The following WDR47 variants were observed in gnomAD, a reference collection of about 807,000 sequenced individuals.
WDR47 encodes the protein WD repeat-containing protein 47.
In WDR47, 32 loss-of-function variants were observed where a neutral mutation model predicts 97.2. That is an observed-to-expected ratio of 0.33 (90% CI 0.25 to 0.44). WDR47 has a LOEUF of 0.44. WDR47 is among the 20% of genes least tolerant of loss of function. The pLI, the probability that WDR47 is intolerant of heterozygous loss-of-function variation, is 1.00. For synonymous variants in WDR47, 375 were observed against 373.5 expected (o/e 1.00, Z -0.05); for missense variants, 782 against 1,102.3 (o/e 0.71, Z 4.11).
At position 109,025,244 on chromosome 1, in the gene WDR47, C is replaced by T. The variant is rs1441307723; in HGVS notation, c.-9-1723G>A. Among the ~76,000 whole-genome samples the T allele has an allele frequency of 3.3e-5, 5 of 151,122 alleles. No individual in the cohort carries two copies. In the South Asian group the frequency reaches 6.3e-4, roughly 19 times the overall value. Reference sequence around the variant, plus strand: ...CATGAGCCCAGGAGTGCGAGACAAGCCTGGGCAACATGGCGAAACATGGTC... The same window carrying T: ...CATGAGCCCAGGAGTGCGAGACAAGTCTGGGCAACATGGCGAAACATGGTC... On this transcript the variant is annotated intron_variant, in intron 1 of 14. Coordinates refer to ENST00000369962, the MANE Select transcript of WDR47 (RefSeq NM_001142551.2).
chr1:108,980,767 G>C (rs1400550245), intron 13 of WDR47, among the ~76,000 whole-genome samples: 2 of 151,480 alleles, frequency 1.3e-5, no homozygotes, highest in Non-Finnish European at 2.9e-5. Context: ...AGGCAGAAAA[G>C]GTACTTCAGA....
chr1:108,994,173 G>A (rs1373428330), intron 8 of WDR47, among the ~76,000 whole-genome samples: 15 of 152,196 alleles, frequency 9.9e-5, no homozygotes, highest in African/African-American at 3.1e-4. Context: ...CGAGGTGAGC[G>A]AATCATGAGG....
intron 1 of WDR47, among the ~76,000 whole-genome samples, chr1:109,040,182 A>T (rs550221104): frequency 4.1e-4 from 62 of 152,348 alleles, no homozygotes; most frequent in African/African-American, 1.4e-3. Flanking sequence ...CAGCTCTTAC[A>T]AGAATGCAAT....
chr1:109,003,455 T>C (rs556449382), intron 6 of WDR47, among the ~76,000 whole-genome samples: 3 of 152,264 alleles, frequency 2.0e-5, no homozygotes, highest in South Asian at 4.1e-4. Context: ...AAAAAACATA[T>C]TCAACTTATT....
intron 2 of WDR47, 149 bp from the exon 3 acceptor site, chr1:109,017,750 A>ATTT (rs33990918): frequency 3.7e-5 from 16 of 437,978 alleles, no homozygotes; most frequent in Non-Finnish European, 4.3e-5. Flanking sequence ...ATTTTTCATA[A>ATTT]TTTTTTTTTT....
intron 10 of WDR47, among the ~76,000 whole-genome samples, chr1:108,984,229 G>A (rs1658585785): frequency 6.6e-6 from 1 of 152,172 alleles, no homozygotes; most frequent in South Asian, 2.1e-4. Context: ...TTTAATGACA[G>A]TCAAACATTG....
chr1:109,001,898 A>T (rs1007554009), intron 7 of WDR47, among the ~76,000 whole-genome samples: 3 of 147,662 alleles, frequency 2.0e-5, no homozygotes, highest in Admixed American at 6.7e-5. Context: ...CCTCAAAAAA[A>T]AAAAAGCAGC....
rs1366873291 is a variant in WDR47, at chr1:108,982,646, T to G, written c.2229A>C (p.Gln743His). The G allele has an allele frequency of 4.3e-6, 7 of 1,612,992 alleles. No individual in the cohort carries two copies. In the Admixed American group the frequency reaches 1.2e-4, roughly 27 times the overall value. ...TCAAAGCATGGAGGCCCTGTCCTCT[T>G]TGACAATCGGTTGTATAAATGTTAC... ...GDCNIYTTDCQRGQGLHALSG... is the reference protein window; with the variant it reads ...GDCNIYTTDCHRGQGLHALSG... The change falls in exon 12 of 15, where the codon CAA (glutamine) becomes CAC (histidine). Residue 743 changes from glutamine to histidine, a missense_variant. Physicochemically the swap from Gln to His is conservative, Grantham distance 24. This residue lies in a region of WDR47 where 228 missense variants were observed against 396.7 expected (regional missense o/e 0.57). Transcript: ENST00000369962.
Position 109,011,214 on chromosome 1 carries a change from C to T in WDR47, c.832G>A (p.Ala278Thr). 1 of 1,614,080 alleles carries T rather than the reference C, an allele frequency of 6.2e-7. No individual in the cohort carries two copies. ...HVDKLLKPTK[A>T]AYADLLTPLI... The stretch of plus-strand genomic sequence containing the variant: ...GGAGTCAAAAGATCAGCATATGCAG[C>T]TTTTGTAGGTTTCAGAAGTTTGTCA... Residue 278 changes from alanine (A) to threonine (T), a missense_variant, in exon 5 of 15, where the codon GCT becomes ACT. Coordinates refer to ENST00000369962, the MANE Select transcript of WDR47 (RefSeq NM_001142551.2).
intron 1 of WDR47, among the ~76,000 whole-genome samples, chr1:109,040,637 T>C (rs1012133297): frequency 6.6e-6 from 1 of 152,234 alleles, no homozygotes; most frequent in African/African-American, 2.4e-5. Flanking sequence ...TAATAATGTT[T>C]CTTTCCTATT....
At chr1:109,000,847 C>T (rs1396312186) in intron 7 of WDR47, among the ~76,000 whole-genome samples, 2 of 152,206 alleles carry the variant, frequency 1.3e-5, no homozygotes, top group Non-Finnish European at 2.9e-5. Context: ...GTCACCATTA[C>T]AGTTACCTAA....
intron 5 of WDR47, among the ~76,000 whole-genome samples, chr1:109,010,348 G>A (rs1660947429): frequency 6.6e-6 from 1 of 152,140 alleles, no homozygotes; most frequent in Non-Finnish European, 1.5e-5. Context: ...CTTCACTTGA[G>A]TCCAGGAGTT....
intron 2 of WDR47, among the ~76,000 whole-genome samples, chr1:109,022,957 C>A (rs934645011): frequency 2.0e-5 from 3 of 151,372 alleles, no homozygotes; most frequent in African/African-American, 4.8e-5. Flanking sequence ...GTAATCCCAG[C>A]ACTTTGGGAG....
chr1:109,006,193 G>A (rs1057250648), intron 5 of WDR47, among the ~76,000 whole-genome samples: 11 of 152,076 alleles, frequency 7.2e-5, no homozygotes, highest in Admixed American at 5.2e-4. Context: ...TCGGGAGTAT[G>A]AGACGAACCT....
chr1:109,011,062 A>G lies in WDR47; in HGVS notation c.984T>C (p.Asp328=). The change falls in exon 5 of 15, where the codon GAT becomes GAC. Residue 328 remains aspartate (D), a synonymous_variant. Transcript: ENST00000369962. ...DGLTCGLTSH[D]KRISDLGNKT... ...TGTTTCCAAGGTCTGAAATTCTCTT[A>G]TCATGACTGGTTAGTCCACAGGTGA... is the stretch of plus-strand genomic sequence containing the variant. The G allele has an allele frequency of 1.2e-6, 2 of 1,614,140 alleles. No individual in the cohort carries two copies. Among genetic ancestry groups the G allele is most frequent in the Non-Finnish European group, 1.7e-6 (2 of 1,180,026 alleles).
At chr1:109,036,164 T>G (rs957684811) in intron 1 of WDR47, among the ~76,000 whole-genome samples, 3 of 152,170 alleles carry the variant, frequency 2.0e-5, no homozygotes, top group African/African-American at 7.2e-5. Flanking sequence ...TTTTAGGATC[T>G]TACATTCATT....
intron 1 of WDR47, among the ~76,000 whole-genome samples, chr1:109,038,941 T>C (rs1050458152): frequency 6.6e-6 from 1 of 152,050 alleles, no homozygotes; most frequent in African/African-American, 2.4e-5. Context: ...ATCACGCCAC[T>C]GCACTCCAGC....
chr1:109,017,491 C>T (rs1031352194), intron 3 of WDR47, 27 bp downstream of exon 3: 1 of 1,563,840 alleles, frequency 6.4e-7, no homozygotes, highest in African/African-American at 1.4e-5. Context: ...AATGATGAGA[C>T]ACTAAAAACT....
intron 13 of WDR47, among the ~76,000 whole-genome samples, chr1:108,975,301 A>C (rs1657796493): frequency 6.6e-6 from 1 of 151,510 alleles, no homozygotes; most frequent in Non-Finnish European, 1.5e-5. Context: ...TTATTTTATA[A>C]ATTATTATAA....
Sources: gnomAD v4.1 joint callset for allele counts (sites outside exome capture counted in the v4.1 genomes callset) on GRCh38, gnomAD v4.1.1 for gene constraint, gnomAD v4.1.1 regional missense constraint, MANE v1.5 for transcripts, NCBI Gene and HGNC (gene_info 2026-07-23, HGNC 2026-07-21) for gene names.